The following MAP2K1 variants were observed in gnomAD, a reference collection of about 807,000 sequenced individuals.
MAP2K1 encodes mitogen-activated protein kinase kinase 1, also known as dual specificity mitogen-activated protein kinase kinase 1.
Under a neutral mutation model 46.3 loss-of-function variants are expected in MAP2K1, and 16 were observed. The ratio of observed to expected loss-of-function variants is 0.35; its 90% CI spans 0.23 to 0.52. The LOEUF (loss-of-function observed/expected upper bound fraction) is 0.52, where lower values mean the gene tolerates loss of function less well. MAP2K1 is among the 20% of genes least tolerant of loss of function. MAP2K1 has a pLI of 0.94. For missense variants in MAP2K1, 263 were observed against 497.1 expected (o/e 0.53, Z 4.48); for synonymous variants, 183 against 185.6 (o/e 0.99, Z 0.11).
intron 5 of MAP2K1, among the ~76,000 whole-genome samples, chr15:66,468,948 C>T (rs983804451): frequency 1.4e-5 from 2 of 141,890 alleles, no homozygotes; most frequent in South Asian, 2.3e-4. Context: ...AGCAAGACTC[C>T]GTCTCAAAAA....
intron 3 of MAP2K1, among the ~76,000 whole-genome samples, chr15:66,437,394 C>T (rs2140585685): frequency 6.6e-6 from 1 of 152,280 alleles, no homozygotes; most frequent in Non-Finnish European, 1.5e-5. Flanking sequence ...ATGTTAGCTG[C>T]CAATCATTTT....
chr15:66,392,609 A>G (rs2093359345), intron 1 of MAP2K1, among the ~76,000 whole-genome samples: 1 of 145,792 alleles, frequency 6.9e-6, no homozygotes, highest in African/African-American at 2.6e-5. Flanking sequence ...GCTGGAGTGC[A>G]ATGGCATGAT....
intron 5 of MAP2K1, among the ~76,000 whole-genome samples, chr15:66,466,881 A>G (rs1345464378): frequency 6.6e-6 from 1 of 152,158 alleles, no homozygotes; most frequent in Admixed American, 6.5e-5. Context: ...GAGTCATGAA[A>G]GTTTTTCCTC....
In MAP2K1 at chr15:66,434,064, A is replaced by C. The variant is rs58940484; in HGVS notation, c.81-963A>C. ...TTCCCAAACCCATTTGTTCAGCTGT[A>C]GCTGGTATTGTAGTTAAGTAATGTA... On this transcript the variant is annotated intron_variant, in intron 1 of 10. Coordinates refer to ENST00000307102, the MANE Select transcript of MAP2K1 (RefSeq NM_002755.4). Among the ~76,000 whole-genome samples the C allele has an allele frequency of 9.8e-3, 1,495 of 152,336 alleles. 55 individuals carry two copies. Among genetic ancestry groups the C allele is most frequent in the Admixed American group, 0.062 (942 of 15,300 alleles).
At chr15:66,391,066 T>A (rs1320486480) in intron 1 of MAP2K1, among the ~76,000 whole-genome samples, 1 of 151,854 alleles carries the variant, frequency 6.6e-6, no homozygotes, top group African/African-American at 2.4e-5. Flanking sequence ...GCTTTTTTTT[T>A]TTTTTTTGGT....
In MAP2K1 at chr15:66,485,247, T is replaced by A; in HGVS notation, c.895+56T>A. 5 of 1,511,384 alleles carry A rather than the reference T, an allele frequency of 3.3e-6. No individual in the cohort carries two copies. In the South Asian group the frequency reaches 5.8e-5, roughly 18 times the overall value. The allele number at this position is 1,511,384 out of a possible 1,614,324, so 93.6% of individuals were successfully genotyped here. ...CTGTTGGAGGGGAGGGTCCCTTACT[T>A]TCAGGGGTTTCTGGAGGGCTGATTC... On this transcript the variant is annotated intron_variant, in intron 7 of 10. Coordinates refer to ENST00000307102, the MANE Select transcript of MAP2K1 (RefSeq NM_002755.4).
At chr15:66,483,622 A>G (rs1365507972) in intron 6 of MAP2K1, among the ~76,000 whole-genome samples, 1 of 152,118 alleles carries the variant, frequency 6.6e-6, no homozygotes, top group Non-Finnish European at 1.5e-5. Flanking sequence ...TACATGTGCT[A>G]TTTCAAATAA....
At chr15:66,394,089 A>G (rs1198546905) in intron 1 of MAP2K1, among the ~76,000 whole-genome samples, 1 of 152,134 alleles carries the variant, frequency 6.6e-6, no homozygotes, top group Non-Finnish European at 1.5e-5. Flanking sequence ...GCACATAGAA[A>G]ATACTCAGTA....
At chr15:66,440,138 C>T (rs2093499884) in intron 3 of MAP2K1, among the ~76,000 whole-genome samples, 1 of 152,088 alleles carries the variant, frequency 6.6e-6, no homozygotes, top group Non-Finnish European at 1.5e-5. Flanking sequence ...GTTGCCCATG[C>T]TAGAGTACAG....
intron 10 of MAP2K1, chr15:66,490,165 C>T: frequency 1.9e-6 from 1 of 513,592 alleles, no homozygotes. Context: ...ATCTGGACAG[C>T]CATAGACGGT....
chr15:66,442,837 C>G (rs1251429850), intron 3 of MAP2K1, among the ~76,000 whole-genome samples: 1 of 152,134 alleles, frequency 6.6e-6, no homozygotes, highest in Non-Finnish European at 1.5e-5. Context: ...CTCCCATGAT[C>G]CTATCTTTGA....
At chr15:66,419,520 CA>C (rs35659066) in intron 1 of MAP2K1, among the ~76,000 whole-genome samples, 8,618 of 137,988 alleles carry the variant, frequency 0.062, 339 homozygotes, top group Middle Eastern at 0.12. Context: ...GACTCCATCT[CA>C]AAAAAAAAAA....
chr15:66,421,938 TCATATCCCCA>T (rs1381154568), intron 1 of MAP2K1, among the ~76,000 whole-genome samples: 1 of 150,640 alleles, frequency 6.6e-6, no homozygotes, highest in African/African-American at 2.4e-5. Context: ...AGTTTGAGCC[TCATATCCCCA>T]CAAAACTTAC....
chr15:66,446,144 C>T (rs999520599), intron 5 of MAP2K1, among the ~76,000 whole-genome samples: 10 of 151,968 alleles, frequency 6.6e-5, no homozygotes, highest in African/African-American at 2.2e-4. Context: ...AGCTTGAACC[C>T]GGGAGGCAGA....
At chr15:66,415,212 G>A in intron 1 of MAP2K1, 1 of 490,120 alleles carries the variant, frequency 2.0e-6, no homozygotes, top group Non-Finnish European at 4.0e-6. Flanking sequence ...TGGAGTCCTG[G>A]TGTCCACTGT....
intron 5 of MAP2K1, among the ~76,000 whole-genome samples, chr15:66,462,076 T>A (rs949059794): frequency 6.6e-6 from 1 of 152,132 alleles, no homozygotes; most frequent in African/African-American, 2.4e-5. Flanking sequence ...TGAGTCCTAG[T>A]TGGAAAAGCA....
chr15:66,405,641 A>G (rs1168952380), intron 1 of MAP2K1, among the ~76,000 whole-genome samples: 2 of 152,212 alleles, frequency 1.3e-5, no homozygotes, highest in Non-Finnish European at 2.9e-5. Context: ...CCCTTAAAAA[A>G]ATGAACAGAA....
intron 1 of MAP2K1, among the ~76,000 whole-genome samples, chr15:66,397,594 A>G (rs1333852523): frequency 2.0e-5 from 3 of 152,228 alleles, no homozygotes; most frequent in Non-Finnish European, 4.4e-5. Flanking sequence ...TTAATAGCAA[A>G]TTGTAAATGT....
chr15:66,443,817 A>G (rs1043823088), intron 4 of MAP2K1, among the ~76,000 whole-genome samples: 1 of 152,208 alleles, frequency 6.6e-6, no homozygotes, highest in African/African-American at 2.4e-5. Flanking sequence ...GCCATAATCC[A>G]TGATTGTGCC....
Sources: gnomAD v4.1 joint callset for allele counts (sites outside exome capture counted in the v4.1 genomes callset) on GRCh38, gnomAD v4.1.1 for gene constraint, MANE v1.5 for transcripts, NCBI Gene and HGNC (gene_info 2026-07-23, HGNC 2026-07-21) for gene names.